CDK14: variants seen among roughly 807,000 people sequenced by gnomAD.
CDK14 encodes the protein cyclin-dependent kinase 14.
Under a neutral mutation model 60.7 loss-of-function variants are expected in CDK14, and 34 were observed. That is an observed-to-expected ratio of 0.56 (90% CI 0.43 to 0.75). The LOEUF (loss-of-function observed/expected upper bound fraction) is 0.75. Ranked by LOEUF, CDK14 falls within the 30% of genes least tolerant of loss-of-function variation. The pLI, the probability that CDK14 is intolerant of heterozygous loss-of-function variation, is 0.00. For synonymous variants in CDK14, 197 were observed against 203.7 expected, an observed-to-expected ratio of 0.97 and a Z score of 0.28; for missense variants, 482 against 564.1, an observed-to-expected ratio of 0.85 and a Z score of 1.47.
intron 11 of CDK14, among the ~76,000 whole-genome samples, chr7:91,065,526 A>G (rs1003927101): frequency 1.3e-5 from 2 of 152,202 alleles, no homozygotes; most frequent in Non-Finnish European, 2.9e-5. Flanking sequence ...CTGTACACAA[A>G]TACTGCTTTA....
chr7:90,898,391 G>A (rs143775141), intron 6 of CDK14, among the ~76,000 whole-genome samples: 1 of 152,174 alleles, frequency 6.6e-6, no homozygotes, highest in Non-Finnish European at 1.5e-5. Context: ...CTGAACTGTT[G>A]TTATAAATGA....
intron 11 of CDK14, among the ~76,000 whole-genome samples, chr7:91,056,173 G>C (rs1276728957): frequency 6.6e-6 from 1 of 152,148 alleles, no homozygotes; most frequent in Non-Finnish European, 1.5e-5. Context: ...ACAGTACCTT[G>C]AGTAGGACAC....
At chr7:90,774,477 C>T (rs1322621823) in intron 4 of CDK14, among the ~76,000 whole-genome samples, 1 of 151,980 alleles carries the variant, frequency 6.6e-6, no homozygotes, top group African/African-American at 2.4e-5. Context: ...TTCTCTAATC[C>T]TTTTTTGTCA....
chr7:90,616,987 A>G (rs1172856100), intron 2 of CDK14, among the ~76,000 whole-genome samples: 2 of 151,858 alleles, frequency 1.3e-5, no homozygotes, highest in Non-Finnish European at 2.9e-5. Flanking sequence ...CTTTTTTTTC[A>G]GCTTCAAAAC....
chr7:90,824,985 T>C (rs1022537231), intron 5 of CDK14, among the ~76,000 whole-genome samples: 1 of 152,330 alleles, frequency 6.6e-6, no homozygotes, highest in East Asian at 1.9e-4. Flanking sequence ...TGGCTTTGGC[T>C]CAGACAAGCA....
chr7:91,059,757 G>A (rs1797717350), intron 11 of CDK14, among the ~76,000 whole-genome samples: 1 of 152,190 alleles, frequency 6.6e-6, no homozygotes, highest in Non-Finnish European at 1.5e-5. Flanking sequence ...TGATTGCACT[G>A]TGGTCTGAGA....
At chr7:91,127,935 CTT>C (rs1330572302) in intron 14 of CDK14, among the ~76,000 whole-genome samples, 3 of 152,102 alleles carry the variant, frequency 2.0e-5, no homozygotes, top group African/African-American at 7.2e-5. Flanking sequence ...ATCAAATGAG[CTT>C]TTGTTTAAAG....
chr7:90,634,022 G>C (rs931192892), intron 2 of CDK14, among the ~76,000 whole-genome samples: 1 of 152,062 alleles, frequency 6.6e-6, no homozygotes, highest in Non-Finnish European at 1.5e-5. Context: ...CTTTATATTT[G>C]TATAAAATTG....
intron 6 of CDK14, among the ~76,000 whole-genome samples, chr7:90,882,214 T>C (rs900283695): frequency 8.2e-6 from 1 of 121,770 alleles, no homozygotes; most frequent in African/African-American, 3.2e-5. Flanking sequence ...AAGACACACA[T>C]AGACTCAAAA....
At chr7:90,902,410 A>C (rs1236645579) in intron 7 of CDK14, among the ~76,000 whole-genome samples, 1 of 152,138 alleles carries the variant, frequency 6.6e-6, no homozygotes, top group Non-Finnish European at 1.5e-5. Context: ...TATGTGTCTG[A>C]ACAGAAAAAT....
At chr7:90,974,909 A>G (rs1795025365) in intron 9 of CDK14, among the ~76,000 whole-genome samples, 1 of 152,186 alleles carries the variant, frequency 6.6e-6, no homozygotes, top group African/African-American at 2.4e-5. Flanking sequence ...TTTTTGACCT[A>G]ACCCTATTTC....
intron 11 of CDK14, among the ~76,000 whole-genome samples, chr7:91,064,387 T>C (rs542548749): frequency 6.6e-6 from 1 of 152,308 alleles, no homozygotes; most frequent in Admixed American, 6.5e-5. Flanking sequence ...CTGTCACTTA[T>C]GAGCTGTGTA....
intron 10 of CDK14, among the ~76,000 whole-genome samples, chr7:91,030,768 T>C (rs1796738433): frequency 6.6e-6 from 1 of 152,232 alleles, no homozygotes; most frequent in Non-Finnish European, 1.5e-5. Context: ...ACTAGAGTTC[T>C]TGTCACTTCT....
At chr7:91,034,604 G>A (rs1796859249) in intron 10 of CDK14, among the ~76,000 whole-genome samples, 1 of 152,146 alleles carries the variant, frequency 6.6e-6, no homozygotes, top group Admixed American at 6.5e-5. Flanking sequence ...CCAAGCAGCT[G>A]ATTAAATATT....
At chr7:90,783,671 A>G (rs537173117) in intron 4 of CDK14, among the ~76,000 whole-genome samples, 1 of 152,336 alleles carries the variant, frequency 6.6e-6, no homozygotes, top group Admixed American at 6.5e-5. Flanking sequence ...CAGGTGTATG[A>G]AAAAATGCTC....
chr7:90,744,810 G>C (rs1396053898), intron 3 of CDK14, among the ~76,000 whole-genome samples: 2 of 101,790 alleles, frequency 2.0e-5, no homozygotes, highest in Admixed American at 9.2e-5. Flanking sequence ...CTGGCCGGGC[G>C]GGGGGCTGAC....
intron 12 of CDK14, among the ~76,000 whole-genome samples, chr7:91,093,751 A>G (rs1669954250): frequency 6.6e-6 from 1 of 152,194 alleles, no homozygotes; most frequent in South Asian, 2.1e-4. Flanking sequence ...ACTGTTCACA[A>G]TAGCAAATAC....
chr7:90,737,569 G>T (rs1462944399), intron 3 of CDK14, among the ~76,000 whole-genome samples: 2 of 152,158 alleles, frequency 1.3e-5, no homozygotes, highest in African/African-American at 4.8e-5. Context: ...CATGTGTGGT[G>T]TTTGGATCCA....
intron 2 of CDK14, among the ~76,000 whole-genome samples, chr7:90,715,220 A>G (rs1802204979): frequency 6.6e-6 from 1 of 152,094 alleles, no homozygotes; most frequent in African/African-American, 2.4e-5. Flanking sequence ...GTGAAACTCA[A>G]AAGTGAAAAC....
Sources: gnomAD v4.1 joint callset for allele counts (sites outside exome capture counted in the v4.1 genomes callset) on GRCh38, gnomAD v4.1.1 for gene constraint, MANE v1.5 for transcripts, NCBI Gene and HGNC (gene_info 2026-07-23, HGNC 2026-07-21) for gene names.